The following RCOR3 variants were observed in gnomAD, a reference collection of about 807,000 sequenced individuals.
RCOR3 encodes REST corepressor 3.
A neutral mutation model predicts 64.1 loss-of-function variants in RCOR3; 13 were observed. That is an observed-to-expected ratio of 0.20 (90% CI 0.13 to 0.32). RCOR3 has a LOEUF of 0.32. Ranked by LOEUF, RCOR3 falls within the 10% of genes least tolerant of loss-of-function variation. The pLI, the probability that RCOR3 is intolerant of heterozygous loss-of-function variation, is 1.00. For missense variants in RCOR3, 489 were observed against 701.2 expected (o/e 0.70, Z 3.42); for synonymous variants, 215 against 239.0 (o/e 0.90, Z 0.93).
chr1:211,298,624 T>C (rs1213176796), intron 9 of RCOR3, among the ~76,000 whole-genome samples: 1 of 152,064 alleles, frequency 6.6e-6, no homozygotes, highest in African/African-American at 2.4e-5. Context: ...GGAATGAACA[T>C]GGTATATGAG....
intron 4 of RCOR3, among the ~76,000 whole-genome samples, chr1:211,274,715 T>A (rs1376316538): frequency 6.6e-6 from 1 of 151,990 alleles, no homozygotes; most frequent in Non-Finnish European, 1.5e-5. Flanking sequence ...AAAGGAATAT[T>A]TAAGACTTTT....
chr1:211,293,571 A>C (rs1332066863), intron 8 of RCOR3, among the ~76,000 whole-genome samples: 1 of 152,158 alleles, frequency 6.6e-6, no homozygotes, highest in African/African-American at 2.4e-5. Flanking sequence ...CCTGTTCATC[A>C]ACATATATAG....
intron 3 of RCOR3, among the ~76,000 whole-genome samples, chr1:211,272,784 G>A (rs974082616): frequency 4.0e-5 from 6 of 150,500 alleles, no homozygotes; most frequent in Non-Finnish European, 1.5e-5. Context: ...ACTACGCCCG[G>A]CTAATTTTTT....
At chr1:211,307,177 C>T (rs1156426596) in intron 10 of RCOR3, among the ~76,000 whole-genome samples, 2 of 151,974 alleles carry the variant, frequency 1.3e-5, no homozygotes, top group East Asian at 3.9e-4. Context: ...ATATGATAAA[C>T]AGAATTCAGA....
At chr1:211,270,659 A>G (rs1428829878) in intron 2 of RCOR3, among the ~76,000 whole-genome samples, 1 of 152,134 alleles carries the variant, frequency 6.6e-6, no homozygotes, top group African/African-American at 2.4e-5. Context: ...CCTTCTGTCA[A>G]GTAGAGATAT....
At chr1:211,306,727 G>A (rs1483064276) in intron 10 of RCOR3, among the ~76,000 whole-genome samples, 1 of 151,834 alleles carries the variant, frequency 6.6e-6, no homozygotes, top group Non-Finnish European at 1.5e-5. Context: ...TACTCATATT[G>A]TTGTTAACTA....
At chr1:211,270,857 CTTTT>C (rs1420971089) in intron 2 of RCOR3, among the ~76,000 whole-genome samples, 3 of 142,034 alleles carry the variant, frequency 2.1e-5, no homozygotes, top group Admixed American at 7.1e-5. Flanking sequence ...ATAAAGCTTA[CTTTT>C]TTTTTTTTTT....
At chr1:211,271,472 A>G (rs1696202639) in intron 3 of RCOR3, 163 bp downstream of exon 3, 1 of 676,592 alleles carries the variant, frequency 1.5e-6, no homozygotes, top group Admixed American at 2.2e-5. Flanking sequence ...AGGTTGTTAT[A>G]TTAGAATGTT....
intron 2 of RCOR3, among the ~76,000 whole-genome samples, 153 bp from the exon 3 acceptor site, chr1:211,271,079 G>A (rs968102694): frequency 4.6e-5 from 7 of 152,076 alleles, no homozygotes; most frequent in African/African-American, 1.2e-4. Flanking sequence ...GGATGGTCTC[G>A]ATCTCCTGAC....
At chr1:211,285,641 A>G (rs1698431560) in intron 7 of RCOR3, among the ~76,000 whole-genome samples, 1 of 152,228 alleles carries the variant, frequency 6.6e-6, no homozygotes, top group South Asian at 2.1e-4. Flanking sequence ...AGCCCAGAGT[A>G]TGGAATTTTC....
In RCOR3 at chr1:211,294,384, AG is replaced by A. The variant is rs1180674385; in HGVS notation, c.940-1291del. On this transcript the variant is annotated intron_variant, in intron 8 of 11. Coordinates refer to ENST00000419091, the MANE Select transcript of RCOR3 (RefSeq NM_001136223.3). ...ACCTTCAGGTTTTTTTTCAAGGTAA[AG>A]TACTGTCTTTGTTGTAGCATTTATG... Among the ~76,000 whole-genome samples, 7 of 152,098 alleles carry A rather than the reference AG, an allele frequency of 4.6e-5. No homozygotes were observed. The East Asian group carries it at 9.6e-4, about 21-fold the overall frequency.
Position 211,259,536 on chromosome 1 carries a change from A to G in RCOR3, c.-25A>G. The G allele has an allele frequency of 6.6e-7, 1 of 1,521,886 alleles. No individual in the cohort carries two copies. Among genetic ancestry groups the G allele is most frequent in the Non-Finnish European group, 8.8e-7 (1 of 1,133,300 alleles). 94.3% of individuals were successfully genotyped at this position (1,521,886 alleles called of 1,614,324 possible). A position where few individuals can be genotyped will look rare whatever the true frequency, so the allele number is the denominator to read the frequency against. The stretch of plus-strand genomic sequence containing the variant: ...ACCCTGACGCCTGCCTCTTCCCCTC[A>G]CCTTTCCCCCTCCCCTGTTCTACCA... On this transcript the variant is annotated 5_prime_UTR_variant, in exon 1 of 12. Transcript: ENST00000419091.
At chr1:211,260,647 T>G (rs948986306) in intron 2 of RCOR3, among the ~76,000 whole-genome samples, 2 of 151,530 alleles carry the variant, frequency 1.3e-5, no homozygotes, top group Admixed American at 6.6e-5. Context: ...TGCCGACCTG[T>G]GCGCAGCCGG....
intron 9 of RCOR3, among the ~76,000 whole-genome samples, chr1:211,298,178 G>A (rs1700030419): frequency 6.6e-6 from 1 of 152,162 alleles, no homozygotes; most frequent in Non-Finnish European, 1.5e-5. Flanking sequence ...AAAAGAACTT[G>A]CAGTCTAGAT....
chr1:211,313,686 G>C lies in RCOR3; in HGVS notation c.1580G>C (p.Arg527Thr). The change falls in exon 12 of 12, where the codon AGA becomes ACA. Residue 527 changes from arginine (R) to threonine (T), a missense_variant. Physicochemically the swap from Arg to Thr is moderately conservative, Grantham distance 71. Around this residue, in one of 2 missense-constraint regions of RCOR3, gnomAD observed 402 missense variants for 617.0 expected, o/e 0.65. Transcript: ENST00000419091. The surrounding 1 kb of genome is among the most constrained non-coding windows in gnomAD (Gnocchi z 4.7). ...ANSMPPRLNP[R>T]PVLSTVGGQQ... ...TCCATGCCACCCCGTCTAAACCCAAGACCGGTGTTGTCCACGGTTGGTGGT... is the reference window on the plus strand; with the variant it reads ...TCCATGCCACCCCGTCTAAACCCAACACCGGTGTTGTCCACGGTTGGTGGT... 1.9e-6 allele frequency: 3 copies of C among 1,614,158 alleles called. No individual in the cohort carries two copies. The highest frequency in any genetic ancestry group is 2.5e-6 in the Non-Finnish European group (3 of 1,180,040).
chr1:211,280,323 C>T (rs1459541329), intron 7 of RCOR3, among the ~76,000 whole-genome samples: 1 of 152,176 alleles, frequency 6.6e-6, no homozygotes, highest in Non-Finnish European at 1.5e-5. Context: ...CTGGCCTTTC[C>T]ACCGTGGTAT....
At chr1:211,278,655 C>A (rs188433388) in intron 6 of RCOR3, among the ~76,000 whole-genome samples, 1 of 151,952 alleles carries the variant, frequency 6.6e-6, no homozygotes, top group Non-Finnish European at 1.5e-5. Context: ...TGTATGTGTT[C>A]CCATTTCCCA....
chr1:211,281,781 A>T (rs1437198355), intron 7 of RCOR3, among the ~76,000 whole-genome samples: 1 of 152,118 alleles, frequency 6.6e-6, no homozygotes, highest in Non-Finnish European at 1.5e-5. Context: ...CTTGTGCCTT[A>T]TCTTGAATTG....
chr1:211,306,367 TA>T (rs957078295), intron 10 of RCOR3, among the ~76,000 whole-genome samples: 10 of 149,622 alleles, frequency 6.7e-5, no homozygotes, highest in Non-Finnish European at 7.4e-5. Flanking sequence ...TTTCTTTTTT[TA>T]AAAAAAAAAG....
Sources: gnomAD v4.1 joint callset for allele counts (sites outside exome capture counted in the v4.1 genomes callset) on GRCh38, gnomAD v4.1.1 for gene constraint, gnomAD v4.1.1 regional missense constraint, Gnocchi (gnomAD v3.1) non-coding constraint, MANE v1.5 for transcripts, NCBI Gene and HGNC (gene_info 2026-07-23, HGNC 2026-07-21) for gene names.